Variants in EIF5A2 observed in about 807,000 individuals in gnomAD.
The protein encoded by EIF5A2 is eukaryotic translation initiation factor 5A2.
A neutral mutation model predicts 16.4 loss-of-function variants in EIF5A2; 15 were observed. That is an observed-to-expected ratio of 0.92 (90% CI 0.61 to 1.41). The LOEUF (loss-of-function observed/expected upper bound fraction) is 1.41. EIF5A2 is among the 40% of genes most tolerant of loss of function. EIF5A2 has a pLI of 0.00. For missense variants in EIF5A2, 144 were observed against 189.5 expected (o/e 0.76, Z 1.41); for synonymous variants, 48 against 61.1 (o/e 0.79, Z 1.00).
rs895722103 is a variant in EIF5A2 at position 170,892,418 on chromosome 3, G to GACTC, written c.*938_*941dup. On this transcript the variant is annotated 3_prime_UTR_variant, in exon 5 of 5. Transcript: ENST00000295822. ...CACTCCAGCCTGGCTGATGGAGTGA[G>GACTC]ACTCAGTCTCAAAAAAAAAAAAAAA... The GACTC allele has an allele frequency of 1.6e-5, 2 of 126,752 alleles. No homozygotes were observed. The highest frequency in any genetic ancestry group is 7.3e-5 in the African/African-American group (2 of 27,224). 7.9% of individuals were successfully genotyped at this position (126,752 alleles called of 1,614,324 possible).
chr3:170,896,409 T>C (rs1177084724), intron 3 of EIF5A2, among the ~76,000 whole-genome samples: 1 of 152,198 alleles, frequency 6.6e-6, no homozygotes, highest in Non-Finnish European at 1.5e-5. Flanking sequence ...CCAAATCTCA[T>C]CTTGAATTGT....
At chr3:170,897,357 G>C (rs1205471107) in intron 3 of EIF5A2, among the ~76,000 whole-genome samples, 1 of 152,206 alleles carries the variant, frequency 6.6e-6, no homozygotes, top group Non-Finnish European at 1.5e-5. Context: ...GGGCATTCCA[G>C]ATATCTTCAT....
At chr3:170,908,184 C>T (rs1712990297) in intron 1 of EIF5A2, among the ~76,000 whole-genome samples, 1 of 152,214 alleles carries the variant, frequency 6.6e-6, no homozygotes, top group African/African-American at 2.4e-5. Flanking sequence ...CGCCCCGAAC[C>T]CTACTGCGGG....
rs138900060 is a variant in EIF5A2 at position 170,897,915 on chromosome 3, G to A, written c.271-3492C>T. On this transcript the variant is annotated intron_variant, in intron 3 of 4. Coordinates refer to ENST00000295822, the MANE Select transcript of EIF5A2 (RefSeq NM_020390.6). ...GAGGCTGTACCCTGTAGAGCCACAG[G>A]GGTGGAGCTGCCCAAGACCTTGGGA... is the stretch of plus-strand genomic sequence containing the variant. Among the ~76,000 whole-genome samples, 754 of 152,320 alleles carry A rather than the reference G, an allele frequency of 5.0e-3. 3 individuals carry two copies. The highest frequency in any genetic ancestry group is 0.017 in the African/African-American group (722 of 41,576).
At chr3:170,894,989 G>GCA (rs1461847267) in intron 3 of EIF5A2, among the ~76,000 whole-genome samples, 2 of 131,018 alleles carry the variant, frequency 1.5e-5, no homozygotes, top group Admixed American at 9.1e-5. Context: ...TCGTGCCCCT[G>GCA]CACTCCAGCC....
Position 170,908,620 on chromosome 3 carries a change from G to T in EIF5A2, c.-113C>A, listed in dbSNP as rs1469885597. The T allele has an allele frequency of 6.5e-6, 1 of 153,050 alleles. No individual in the cohort carries two copies. Among genetic ancestry groups the T allele is most frequent in the African/African-American group, 2.4e-5 (1 of 41,598 alleles). The allele number at this position is 153,050 out of a possible 1,614,324, so 9.5% of individuals were successfully genotyped here. A position where few individuals can be genotyped will look rare whatever the true frequency, so the allele number is the denominator to read the frequency against. ...CAGCAGCGGCGCCGGCAGCGGCGGT[G>T]GCGGCCGCGGCAGTTCCAAGAGACG... is the stretch of plus-strand genomic sequence containing the variant. On this transcript the variant is annotated 5_prime_UTR_variant, in exon 1 of 5. Coordinates refer to ENST00000295822, the MANE Select transcript of EIF5A2 (RefSeq NM_020390.6).
At position 170,892,727 on chromosome 3, in the gene EIF5A2, C is replaced by T. The variant is rs1712567104; in HGVS notation, c.*633G>A. On this transcript the variant is annotated 3_prime_UTR_variant, in exon 5 of 5. Transcript: ENST00000295822. ...CTAACTTTCACCCAACAGTTCAGTG[C>T]CCTTCTGCCAACCATAAGAAGGGAC... 7.5e-6 allele frequency: 3 copies of T among 398,512 alleles called. No homozygotes were observed. Among genetic ancestry groups the T allele is most frequent in the Non-Finnish European group, 1.3e-5 (3 of 226,030 alleles). 24.7% of individuals were successfully genotyped at this position (398,512 alleles called of 1,614,324 possible). A position where few individuals can be genotyped will look rare whatever the true frequency, so the allele number is the denominator to read the frequency against.
intron 2 of EIF5A2, 41 bp downstream of exon 2, chr3:170,907,601 C>A: frequency 6.6e-7 from 1 of 1,517,594 alleles, no homozygotes; most frequent in South Asian, 1.3e-5. Flanking sequence ...TGATCAAAGT[C>A]CCAACGCCGA....
intron 3 of EIF5A2, 96 bp downstream of exon 3, chr3:170,906,892 CA>C (rs1166403525): frequency 5.5e-6 from 4 of 722,140 alleles, no homozygotes; most frequent in Admixed American, 3.5e-5. Context: ...GAAAAACCTA[CA>C]AAACTACTCT....
rs1439010137 is a variant in EIF5A2 at position 170,890,303 on chromosome 3, G to A, written c.*3057C>T. ...GTGCACATGCAAATTGCATTGTAAT[G>A]AAAAATTGTGTCTCCAAATTTTACA... is the stretch of plus-strand genomic sequence containing the variant. On this transcript the variant is annotated 3_prime_UTR_variant, in exon 5 of 5. Coordinates refer to ENST00000295822, the MANE Select transcript of EIF5A2 (RefSeq NM_020390.6). The A allele has an allele frequency of 6.6e-6, 1 of 152,088 alleles. No homozygotes were observed. Among genetic ancestry groups the A allele is most frequent in the African/African-American group, 2.4e-5 (1 of 41,438 alleles). 9.4% of individuals were successfully genotyped at this position (152,088 alleles called of 1,614,324 possible).
At chr3:170,900,753 C>T (rs1398958582) in intron 3 of EIF5A2, among the ~76,000 whole-genome samples, 2 of 152,006 alleles carry the variant, frequency 1.3e-5, no homozygotes, top group Non-Finnish European at 2.9e-5. Context: ...GAGTCAAATA[C>T]ACCCACCCCC....
intron 3 of EIF5A2, among the ~76,000 whole-genome samples, chr3:170,895,625 C>T (rs1164271551): frequency 6.6e-6 from 1 of 152,190 alleles, no homozygotes; most frequent in African/African-American, 2.4e-5. Context: ...CTCTCCTCCA[C>T]ATACACCATC....
intron 4 of EIF5A2, among the ~76,000 whole-genome samples, chr3:170,893,885 T>C (rs569127057): frequency 8.5e-5 from 13 of 152,140 alleles, no homozygotes; most frequent in African/African-American, 2.9e-4. Context: ...ATACAAAAAT[T>C]AGCCAGATGT....
intron 3 of EIF5A2, among the ~76,000 whole-genome samples, chr3:170,897,896 G>A (rs1712712854): frequency 1.3e-5 from 2 of 152,216 alleles, no homozygotes; most frequent in Non-Finnish European, 2.9e-5. Flanking sequence ...TGCAGAGGCT[G>A]TACCCTGTAG....
At chr3:170,900,569 G>C (rs770585675) in intron 3 of EIF5A2, among the ~76,000 whole-genome samples, 5 of 152,048 alleles carry the variant, frequency 3.3e-5, no homozygotes, top group Non-Finnish European at 5.9e-5. Context: ...ACTTGAATAA[G>C]CTCCCACTGG....
At chr3:170,908,496 C>T (rs1713003219) in intron 1 of EIF5A2, 47 bp downstream of exon 1, 1 of 153,278 alleles carries the variant, frequency 6.5e-6, no homozygotes, top group Non-Finnish European at 1.5e-5. Context: ...TCACTCTGGC[C>T]CCATCCCCAC....
rs190193397 is a variant in EIF5A2, at chr3:170,892,554, G to A, written c.*806C>T. On this transcript the variant is annotated 3_prime_UTR_variant, in exon 5 of 5. Transcript: ENST00000295822. ...GTAAAGCAGATCACTCCCTTTAAAC[G>A]TTGGGGGCAAAGTTAAAAGCAAAAA... 41 of 380,584 alleles carry A rather than the reference G, an allele frequency of 1.1e-4. No individual in the cohort carries two copies. Among genetic ancestry groups the A allele is most frequent in the African/African-American group, 6.9e-4 (33 of 48,152 alleles). The allele number at this position is 380,584 out of a possible 1,614,324, so 23.6% of individuals were successfully genotyped here.
chr3:170,895,844 AT>A (rs1712657153), intron 3 of EIF5A2, among the ~76,000 whole-genome samples: 1 of 151,330 alleles, frequency 6.6e-6, no homozygotes. Flanking sequence ...TTTTTAAAAA[AT>A]ATATATATTT....
At chr3:170,898,450 TAGTA>T (rs1352621762) in intron 3 of EIF5A2, among the ~76,000 whole-genome samples, 1 of 152,150 alleles carries the variant, frequency 6.6e-6, no homozygotes, top group African/African-American at 2.4e-5. Context: ...GTTCTCATGA[TAGTA>T]AGTGAGTTCT....
Sources: allele counts gnomAD v4.1 joint callset (sites outside exome capture counted in the v4.1 genomes callset), GRCh38; gene constraint gnomAD v4.1.1; transcripts MANE v1.5; gene names NCBI Gene and HGNC (gene_info 2026-07-23, HGNC 2026-07-21).